C9orf72: variants seen among roughly 807,000 people sequenced by gnomAD.
C9orf72 encodes the protein C9orf72-SMCR8 complex subunit.
A neutral mutation model predicts 51.6 loss-of-function variants in C9orf72; 44 were observed. The observed-to-expected ratio is 0.85, with a 90% CI of 0.67 to 1.10. The LOEUF (loss-of-function observed/expected upper bound fraction) is 1.10, where lower values mean the gene tolerates loss of function less well. Among genes scored for constraint, C9orf72 ranks in the 50% least tolerant of loss-of-function variants. The pLI is 0.00. For synonymous variants in C9orf72, 213 were observed against 194.2 expected (o/e 1.10, Z -0.81); for missense variants, 607 against 570.6 (o/e 1.06, Z -0.65).
At chr9:27,570,423 T>C (rs1819559974) in intron 1 of C9orf72, among the ~76,000 whole-genome samples, 1 of 152,220 alleles carries the variant, frequency 6.6e-6, no homozygotes, top group African/African-American at 2.4e-5. Context: ...AACTCTAATA[T>C]TTCATCATTA....
chr9:27,567,140 C>T lies in C9orf72; in HGVS notation c.-20G>A, dbSNP rs781403258. 7.5e-6 allele frequency: 12 copies of T among 1,600,392 alleles called. No homozygotes were observed. In the African/African-American group the frequency reaches 1.6e-4, roughly 21 times the overall value. ...CGACATCACTGCATTCCAACTGTCACATTATCCAAATGCTCCGGAGATATC... is the reference window on the plus strand; with the variant it reads ...CGACATCACTGCATTCCAACTGTCATATTATCCAAATGCTCCGGAGATATC... On this transcript the variant is annotated 5_prime_UTR_variant, in exon 2 of 11. In the 5' UTR this introduces an upstream ATG that the reference lacks. Coordinates refer to ENST00000380003, the MANE Select transcript of C9orf72 (RefSeq NM_018325.5).
chr9:27,556,566 A>G lies in C9orf72; in HGVS notation c.1086T>C (p.Pro362=). 6.2e-7 allele frequency: 1 copy of G among 1,603,778 alleles called. No individual in the cohort carries two copies. ...TIIYTDESFT[P]DLNIFQDVLH... ...GCAGGCAGAGCATTACGTACAAATC[A>G]GGAGTAAAGCTTTCGTCAGTGTAGA... Residue 362 remains proline, a synonymous_variant, in exon 8 of 11, where the codon CCT becomes CCC. Transcript: ENST00000380003.
At chr9:27,559,957 T>C (rs1012846119) in intron 6 of C9orf72, 1 of 179,830 alleles carries the variant, frequency 5.6e-6, no homozygotes, top group Non-Finnish European at 1.2e-5. Context: ...TAATTTTTTT[T>C]ATATATCTGA....
intron 1 of C9orf72, among the ~76,000 whole-genome samples, chr9:27,572,243 CTA>C (rs1371502079): frequency 7.2e-5 from 11 of 152,166 alleles, no homozygotes; most frequent in Admixed American, 7.2e-4. Flanking sequence ...TTCAGATGTA[CTA>C]TCAGCATGTA....
chr9:27,573,505 C>G (rs1819640365), upstream of C9orf72: 2 of 87,260 alleles, frequency 2.3e-5, no homozygotes, highest in Admixed American at 1.3e-4. Flanking sequence ...GGGCCCGCCC[C>G]CGGGCCCGCC....
intron 8 of C9orf72, among the ~76,000 whole-genome samples, chr9:27,551,691 A>G (rs1275730306): frequency 6.6e-6 from 1 of 152,270 alleles, no homozygotes; most frequent in East Asian, 1.9e-4. Flanking sequence ...CTGGGCACTG[A>G]TAGTGCCCCT....
chr9:27,557,984 A>T (rs67245195), intron 7 of C9orf72, among the ~76,000 whole-genome samples: 7,235 of 151,262 alleles, frequency 0.048, 255 homozygotes, highest in East Asian at 0.12. Flanking sequence ...ATTATAAATA[A>T]TTGCTAATTT....
At chr9:27,569,447 T>C (rs1819539822) in intron 1 of C9orf72, among the ~76,000 whole-genome samples, 1 of 152,246 alleles carries the variant, frequency 6.6e-6, no homozygotes, top group Admixed American at 6.5e-5. Context: ...ACCATACTTT[T>C]ACTGTACCTT....
chr9:27,561,233 T>G, intron 5 of C9orf72: 1 of 1,056,268 alleles, frequency 9.5e-7, no homozygotes, highest in Non-Finnish European at 1.1e-6. Flanking sequence ...ATATGAATAA[T>G]TTTGTTCTAC....
intron 2 of C9orf72, among the ~76,000 whole-genome samples, chr9:27,566,400 C>G (rs999611292): frequency 3.9e-5 from 6 of 152,206 alleles, no homozygotes; most frequent in African/African-American, 1.2e-4. Context: ...GTCAAAGGCT[C>G]CCAAGAAGAA....
Position 27,548,626 on chromosome 9 carries a change from A to G in C9orf72, c.1190T>C (p.Phe397Ser). The change falls in exon 10 of 11, where the codon TTC (phenylalanine) becomes TCC (serine). Residue 397 changes from phenylalanine (F) to serine (S), a missense_variant. Physicochemically the swap from Phe to Ser is radical, Grantham distance 155. Transcript: ENST00000380003. Reference sequence around the variant, plus strand: ...AAGGACAAGTAGAAACTGTGCAAGGAAAGTACTTCTGAGAGATAAGCCAGG... The same window carrying G: ...AAGGACAAGTAGAAACTGTGCAAGGGAAGTACTTCTGAGAGATAAGCCAGG... ...LKPGLSLRST[F>S]LAQFLLVLHR... 6.2e-7 allele frequency: 1 copy of G among 1,612,714 alleles called. No homozygotes were observed. The highest frequency in any genetic ancestry group is 8.5e-7 in the Non-Finnish European group (1 of 1,178,764).
chr9:27,564,135 C>T (rs913468983), intron 3 of C9orf72, among the ~76,000 whole-genome samples: 1 of 143,920 alleles, frequency 6.9e-6, no homozygotes, highest in South Asian at 2.2e-4. Flanking sequence ...AATGAATAGC[C>T]TCACTGAAGC....
chr9:27,552,093 A>G (rs950423797), intron 8 of C9orf72, among the ~76,000 whole-genome samples: 6 of 152,160 alleles, frequency 3.9e-5, no homozygotes, highest in African/African-American at 1.4e-4. Context: ...CTGCCTGCAA[A>G]CAGAAATAGT....
chr9:27,565,638 T>C (rs1402773584), intron 2 of C9orf72, 48 bp from the exon 3 acceptor site: 1 of 1,150,740 alleles, frequency 8.7e-7, no homozygotes, highest in Non-Finnish European at 1.3e-6. Flanking sequence ...AACATTTTGA[T>C]ACTTGCTTAT....
At chr9:27,555,503 G>T (rs1354617210) in intron 8 of C9orf72, among the ~76,000 whole-genome samples, 1 of 150,574 alleles carries the variant, frequency 6.6e-6, no homozygotes, top group Admixed American at 6.6e-5. Context: ...TTAGACCTGG[G>T]TTATTACAGT....
chr9:27,566,239 T>G (rs1387917273), intron 2 of C9orf72, among the ~76,000 whole-genome samples: 8 of 152,170 alleles, frequency 5.3e-5, no homozygotes, highest in Non-Finnish European at 8.8e-5. Context: ...CTCCTCATTT[T>G]ATGAACCTGG....
intron 2 of C9orf72, 49 bp downstream of exon 2, chr9:27,566,628 G>A (rs895603424): frequency 7.8e-7 from 1 of 1,287,148 alleles, no homozygotes; most frequent in Non-Finnish European, 1.1e-6. Context: ...CAGAAAATAA[G>A]CTTTCAACAG....
chr9:27,573,088 G>A (rs1011336045), intron 1 of C9orf72, among the ~76,000 whole-genome samples: 3 of 152,090 alleles, frequency 2.0e-5, no homozygotes, highest in African/African-American at 7.2e-5. Flanking sequence ...CTCAGTACCC[G>A]AGGCTCCCTT....
At chr9:27,556,463 T>C in intron 8 of C9orf72, 98 bp downstream of exon 8, 1 of 740,498 alleles carries the variant, frequency 1.4e-6, no homozygotes, top group Admixed American at 2.8e-5. Flanking sequence ...TGGTAATATT[T>C]CTTTCTTTTT....
Sources: gnomAD v4.1 joint callset for allele counts (sites outside exome capture counted in the v4.1 genomes callset) on GRCh38, gnomAD v4.1.1 for gene constraint, MANE v1.5 for transcripts, NCBI Gene and HGNC (gene_info 2026-07-23, HGNC 2026-07-21) for gene names.